The following FES variants were observed in gnomAD, a reference collection of about 807,000 sequenced individuals.
FES encodes the protein tyrosine-protein kinase Fes/Fps.
In FES, 83 loss-of-function variants were observed where a neutral mutation model predicts 109.6. The observed-to-expected ratio is 0.76, with a 90% CI of 0.63 to 0.91. The LOEUF is 0.91. FES is among the 40% of genes least tolerant of loss of function. The probability of loss-of-function intolerance (pLI) is 0.00; values close to 1 mark genes in which losing one functional copy is unlikely to be tolerated. For missense variants in FES, 943 were observed against 1,070.9 expected (o/e 0.88, Z 1.67); for synonymous variants, 458 against 442.1 (o/e 1.04, Z -0.45).
Position 90,891,094 on chromosome 15 carries a change from G to T in FES, c.1433G>T (p.Gly478Val), listed in dbSNP as rs758806464. 5 of 1,591,234 alleles carry T rather than the reference G, an allele frequency of 3.1e-6. No homozygotes were observed. The South Asian group carries it at 4.6e-5, about 15-fold the overall frequency. ...AEVAELLVHS[G>V]DFLVRESQGK... is the part of the protein sequence containing the mutation. ...GTGGCTGAGCTGCTGGTGCACTCTGGGGACTTCCTGGTGCGGGAGAGCCAG... is the reference window on the plus strand; with the variant it reads ...GTGGCTGAGCTGCTGGTGCACTCTGTGGACTTCCTGGTGCGGGAGAGCCAG... Residue 478 changes from glycine to valine, a missense_variant, in exon 11 of 19, where the codon GGG (glycine) becomes GTG (valine). Coordinates refer to ENST00000328850, the MANE Select transcript of FES (RefSeq NM_002005.4).
At position 90,893,191 on chromosome 15, in the gene FES, C is replaced by T; in HGVS notation, c.1918C>T (p.Gln640Ter). ...CATCTACATCGTCATGGAGCTTGTGCAGGGTGAGCGCGGGGCGCTGAGCTC... is the reference window on the plus strand; with the variant it reads ...CATCTACATCGTCATGGAGCTTGTGTAGGGTGAGCGCGGGGCGCTGAGCTC... Reference protein sequence around the residue: ...QPIYIVMELVQGGDFLTFLRT... With the variant: ...QPIYIVMELV Residue 640 changes from glutamine (Q) to a stop codon, truncating the protein, a stop_gained, in exon 15 of 19, where the codon CAG becomes TAG. Transcript: ENST00000328850. LOFTEE classifies it high-confidence loss of function. The T allele has an allele frequency of 6.2e-7, 1 of 1,613,856 alleles. No homozygotes were observed. The highest frequency in any genetic ancestry group is 8.5e-7 in the Non-Finnish European group (1 of 1,179,944).
In FES at chr15:90,890,484, G is replaced by A. The variant is rs1270379592; in HGVS notation, c.1320G>A (p.Ser440=). Residue 440 remains serine (S), a splice_region_variant and synonymous_variant, in exon 10 of 19, where the codon TCG becomes TCA. Coordinates refer to ENST00000328850, the MANE Select transcript of FES (RefSeq NM_002005.4). ...HISGIFRPKF[S]LPPPLQLIPE... ...CAGGAATCTTCCGCCCCAAGTTCTCGGTGAGTGGCGCCCAGCCTGGGCCCC... is the reference window on the plus strand; with the variant it reads ...CAGGAATCTTCCGCCCCAAGTTCTCAGTGAGTGGCGCCCAGCCTGGGCCCC... 20 of 1,612,120 alleles carry A rather than the reference G, an allele frequency of 1.2e-5. No individual in the cohort carries two copies. The highest frequency in any genetic ancestry group is 1.6e-4 in the Middle Eastern group (1 of 6,080).
At position 90,889,397 on chromosome 15, in the gene FES, C is replaced by G; in HGVS notation, c.760C>G (p.Arg254Gly). The G allele has an allele frequency of 6.2e-7, 1 of 1,614,102 alleles. No homozygotes were observed. Among genetic ancestry groups the G allele is most frequent in the Non-Finnish European group, 8.5e-7 (1 of 1,180,026 alleles). The change falls in exon 6 of 19, where the codon CGC becomes GGC. Residue 254 changes from arginine to glycine, a missense_variant. Coordinates refer to ENST00000328850, the MANE Select transcript of FES (RefSeq NM_002005.4). This position sits in a 1 kb window ranked among gnomAD's most constrained non-coding sequence, Gnocchi z 6.1. ...CCGGGAGATGGCTGCAGCTGCTGCC[C>G]GCATCCAGCCTGAGGCTGAGTACCA... ...IHREMAAAAA[R>G]IQPEAEYQGF... is the part of the protein sequence containing the mutation.
At chr15:90,895,278 G>A (rs2033608107) in intron 18 of FES, 138 bp from the exon 19 acceptor site, 1 of 687,126 alleles carries the variant, frequency 1.5e-6, no homozygotes, top group Admixed American at 3.1e-5. Context: ...TTTGTCCTTT[G>A]GGCCCTTGGT....
Position 90,889,945 on chromosome 15 carries a change from C to A in FES, c.1032C>A (p.Asn344Lys), listed in dbSNP as rs750809234. ...AGGAGCTCCGGAATGAAGAGGAGAA[C>A]ACCCACCCCCGGGAGCGGTGAGTGG... ...LQQELRNEEE[N>K]THPRERVQLL... The change falls in exon 8 of 19, where the codon AAC becomes AAA. Residue 344 changes from asparagine to lysine, a missense_variant. Transcript: ENST00000328850. This position sits in a 1 kb window ranked among gnomAD's most constrained non-coding sequence, Gnocchi z 6.1. 1 of 1,613,278 alleles carries A rather than the reference C, an allele frequency of 6.2e-7. No homozygotes were observed. The highest frequency in any genetic ancestry group is 1.1e-5 in the South Asian group (1 of 91,084).
chr15:90,885,454 T>C lies in FES; in HGVS notation c.256T>C (p.Leu86=), dbSNP rs977015889. The C allele has an allele frequency of 1.9e-6, 3 of 1,613,218 alleles. No homozygotes were observed. The highest frequency in any genetic ancestry group is 2.5e-6 in the Non-Finnish European group (3 of 1,180,012). The stretch of plus-strand genomic sequence containing the variant: ...CAGCCAAACTGAGGGCCTGAGCCGC[T>C]TGCTGCGGCAGCACGCAGAGGATCT... ...ITSQTEGLSR[L]LRQHAEDLNS... Residue 86 remains leucine (L), a synonymous_variant, in exon 3 of 19, where the codon TTG becomes CTG. Transcript: ENST00000328850.
intron 11 of FES, 75 bp downstream of exon 11, chr15:90,891,266 T>C: frequency 1.3e-6 from 2 of 1,504,726 alleles, no homozygotes; most frequent in South Asian, 2.4e-5. Flanking sequence ...GAAATGGCCT[T>C]TCAGGGTAGG....
chr15:90,894,792 C>T (rs957007484), intron 18 of FES, among the ~76,000 whole-genome samples: 1 of 151,318 alleles, frequency 6.6e-6, no homozygotes, highest in Non-Finnish European at 1.5e-5. Flanking sequence ...AAAACCTGGG[C>T]GCAGTGGCTC....
intron 12 of FES, 125 bp from the exon 13 acceptor site, chr15:90,891,933 G>A (rs2033255757): frequency 6.6e-6 from 8 of 1,208,990 alleles, no homozygotes; most frequent in Non-Finnish European, 9.6e-6. Context: ...ATCTCAGTGT[G>A]CTCCCCACGT....
rs116517537 is a variant in FES at position 90,892,927 on chromosome 15, C to T, written c.1826+102C>T. ...GACCACCGTGGTGGTGTTTAGTCCT[C>T]GAGGCCCCCCATTGCGGGTAGTACC... On this transcript the variant is annotated intron_variant, in intron 14 of 18. Coordinates refer to ENST00000328850, the MANE Select transcript of FES (RefSeq NM_002005.4). The T allele has an allele frequency of 2.0e-3, 2,776 of 1,388,590 alleles. 50 individuals are homozygous for T. The African/African-American group carries it at 0.035, about 18-fold the overall frequency. 86.0% of individuals were successfully genotyped at this position (1,388,590 alleles called of 1,614,324 possible).
rs557631999 is a variant in FES, at chr15:90,895,184, A to G, written c.2327-232A>G. Among the ~76,000 whole-genome samples, 30 of 152,328 alleles carry G rather than the reference A, an allele frequency of 2.0e-4. 1 individual carries two copies. The South Asian group carries it at 6.0e-3, about 30-fold the overall frequency. On this transcript the variant is annotated intron_variant, in intron 18 of 18. Coordinates refer to ENST00000328850, the MANE Select transcript of FES (RefSeq NM_002005.4). ...CACTACATGTGTGGTAGGGATTAAT[A>G]TGTCCCTTTCTCAGATGGAAAAACA...
chr15:90,885,313 C>T (rs755661917), intron 2 of FES, 55 bp downstream of exon 2: 2 of 1,601,252 alleles, frequency 1.2e-6, no homozygotes, highest in Non-Finnish European at 1.7e-6. Context: ...TCTCCTTCCT[C>T]TCCTGGGGGC....
chr15:90,884,517 GC>G lies in FES; in HGVS notation c.-35del, dbSNP rs1314070875. The G allele has an allele frequency of 1.3e-5, 2 of 153,826 alleles. No individual in the cohort carries two copies. Among genetic ancestry groups the G allele is most frequent in the Non-Finnish European group, 1.4e-5 (1 of 69,070 alleles). 9.5% of individuals were successfully genotyped at this position (153,826 alleles called of 1,614,324 possible). A position where few individuals can be genotyped will look rare whatever the true frequency, so the allele number is the denominator to read the frequency against. On this transcript the variant is annotated 5_prime_UTR_variant, in exon 1 of 19. Transcript: ENST00000328850. ...CGCACCGGGCCTGAGTCGGTCCGAG[GC>G]CGTCCCAGGAGCAGCTGCCCGTGCG... is the stretch of plus-strand genomic sequence containing the variant.
At position 90,890,233 on chromosome 15, in the gene FES, G is replaced by A. The variant is rs1202429225; in HGVS notation, c.1191G>A (p.Pro397=). The A allele has an allele frequency of 3.8e-6, 6 of 1,599,866 alleles. No individual in the cohort carries two copies. Among genetic ancestry groups the A allele is most frequent in the Admixed American group, 1.7e-5 (1 of 59,868 alleles). The change falls in exon 9 of 19, where the codon CCG becomes CCA. Residue 397 remains proline, a synonymous_variant. Coordinates refer to ENST00000328850, the MANE Select transcript of FES (RefSeq NM_002005.4). ...KLEHLGPGEP[P]PVLLLQDDRH... is the part of the protein sequence containing the mutation. ...AGCACCTGGGCCCCGGCGAGCCCCC[G>A]CCTGTGCTGCTCCTGCAGGATGACC...
intron 3 of FES, among the ~76,000 whole-genome samples, chr15:90,886,527 A>G (rs1436849123): frequency 2.0e-5 from 3 of 152,232 alleles, no homozygotes; most frequent in South Asian, 4.1e-4. Context: ...GCTGTCATCT[A>G]TTCCTACTGC....
rs1347997680 is a variant in FES, at chr15:90,890,154, T to G, written c.1112T>G (p.Leu371Arg). ...GCACTGCAGGGGCTGCAGGTAGCGC[T>G]GTGCAGCCAGGCCAAGCTGCAGGCC... ...QEALQGLQVA[L>R]CSQAKLQAQQ... Residue 371 changes from leucine to arginine, a missense_variant, in exon 9 of 19, where the codon CTG becomes CGG. By Grantham distance (102) the Leu-to-Arg change is moderately radical. Transcript: ENST00000328850. The G allele has an allele frequency of 6.3e-7, 1 of 1,595,830 alleles. No homozygotes were observed. Among genetic ancestry groups the G allele is most frequent in the Non-Finnish European group, 8.5e-7 (1 of 1,176,600 alleles).
chr15:90,893,103 C>T lies in FES; in HGVS notation c.1830C>T (p.Ile610=), dbSNP rs749667935. The change falls in exon 15 of 19, where the codon ATC becomes ATT. Residue 610 remains isoleucine, a synonymous_variant. Coordinates refer to ENST00000328850, the MANE Select transcript of FES (RefSeq NM_002005.4). ...CCTGAGCAGCAGTGCCCTCCAGGATCCTGAAGCAGTACAGCCACCCCAACA... is the reference window on the plus strand; with the variant it reads ...CCTGAGCAGCAGTGCCCTCCAGGATTCTGAAGCAGTACAGCCACCCCAACA... ...LKAKFLQEAR[I]LKQYSHPNIV... The T allele has an allele frequency of 6.2e-7, 1 of 1,613,306 alleles. No homozygotes were observed. Among genetic ancestry groups the T allele is most frequent in the Non-Finnish European group, 8.5e-7 (1 of 1,179,784 alleles).
chr15:90,894,372 G>A (rs1016152525), intron 18 of FES, among the ~76,000 whole-genome samples: 1 of 152,116 alleles, frequency 6.6e-6, no homozygotes, highest in Non-Finnish European at 1.5e-5. Flanking sequence ...ATCACCTGTG[G>A]TCAGGAGTTT....
intron 3 of FES, among the ~76,000 whole-genome samples, chr15:90,885,928 C>T (rs2032566578): frequency 1.3e-5 from 2 of 151,804 alleles, no homozygotes; most frequent in Non-Finnish European, 2.9e-5. Flanking sequence ...GAGGGTCAGT[C>T]TGTTTGCCTT....
Sources: allele counts gnomAD v4.1 joint callset (sites outside exome capture counted in the v4.1 genomes callset), GRCh38; gene constraint gnomAD v4.1.1; non-coding constraint Gnocchi (gnomAD v3.1); transcripts MANE v1.5; gene names NCBI Gene and HGNC (gene_info 2026-07-23, HGNC 2026-07-21).